ARB2A: variants seen among roughly 807,000 people sequenced by gnomAD.
ARB2A encodes the protein cotranscriptional regulator ARB2A.
At chr5:93,663,824 G>T in the ARB2A span, among the ~76,000 whole-genome samples, 1 of 152,160 alleles carries the variant, frequency 6.6e-6, no homozygotes, top group South Asian at 2.1e-4. Flanking sequence ...AATATCAGAA[G>T]TTACAATGAA....
At chr5:93,930,834 TTTTAC>T in the ARB2A span, among the ~76,000 whole-genome samples, 1 of 152,230 alleles carries the variant, frequency 6.6e-6, no homozygotes, top group Admixed American at 6.5e-5. Flanking sequence ...TTTATTTTTA[TTTTAC>T]TTTAAGTTCT....
At chr5:93,659,619 T>C in the ARB2A span, among the ~76,000 whole-genome samples, 1 of 152,094 alleles carries the variant, frequency 6.6e-6, no homozygotes, top group Non-Finnish European at 1.5e-5. Flanking sequence ...AGTTAACAGC[T>C]CTAAAGAGAG....
chr5:93,929,001 A>AATTTG, the ARB2A span, among the ~76,000 whole-genome samples: 3 of 152,110 alleles, frequency 2.0e-5, no homozygotes, highest in Non-Finnish European at 4.4e-5. Flanking sequence ...TACAAAAAAA[A>AATTTG]AAGTACTTTT....
At chr5:93,661,047 T>A in the ARB2A span, among the ~76,000 whole-genome samples, 1 of 152,136 alleles carries the variant, frequency 6.6e-6, no homozygotes, top group African/African-American at 2.4e-5. Context: ...ACTTAACAAA[T>A]GTTTGGACAC....
At chr5:93,733,784 C>T in the ARB2A span, 1 of 152,142 alleles carries the variant, frequency 6.6e-6, no homozygotes, top group African/African-American at 2.4e-5. Flanking sequence ...AAGGACATTT[C>T]CACTAGGTTT....
the ARB2A span, among the ~76,000 whole-genome samples, chr5:93,660,833 GAGAA>G: frequency 1.3e-5 from 2 of 152,114 alleles, no homozygotes; most frequent in African/African-American, 4.8e-5. Context: ...ACAGATAAGA[GAGAA>G]AGAACAAACC....
chr5:93,671,083 T>C, the ARB2A span, among the ~76,000 whole-genome samples: 1 of 152,192 alleles, frequency 6.6e-6, no homozygotes, highest in South Asian at 2.1e-4. Context: ...TTTTCCTCAT[T>C]AGTAAGGGAA....
the ARB2A span, among the ~76,000 whole-genome samples, chr5:93,976,645 C>T: frequency 1.1e-4 from 16 of 152,118 alleles, no homozygotes; most frequent in Non-Finnish European, 1.9e-4. Context: ...CTCTCTCCTG[C>T]TGGATGTGAA....
chr5:93,972,839 G>T, the ARB2A span, among the ~76,000 whole-genome samples: 1 of 151,864 alleles, frequency 6.6e-6, no homozygotes, highest in Non-Finnish European at 1.5e-5. Flanking sequence ...ACTTTGTAAG[G>T]TCAAAGCAGG....
chr5:94,067,814 CA>C, the ARB2A span, among the ~76,000 whole-genome samples: 1 of 151,866 alleles, frequency 6.6e-6, no homozygotes, highest in Non-Finnish European at 1.5e-5. Context: ...TAGAGAAAAA[CA>C]AAAAACACTA....
chr5:93,972,159 GA>G, the ARB2A span, among the ~76,000 whole-genome samples: 6 of 152,084 alleles, frequency 3.9e-5, no homozygotes, highest in Non-Finnish European at 8.8e-5. Context: ...CTGGCTGGGG[GA>G]GGGTGCTTTT....
the ARB2A span, among the ~76,000 whole-genome samples, chr5:94,044,461 T>C: frequency 6.6e-6 from 1 of 152,078 alleles, no homozygotes; most frequent in Admixed American, 6.5e-5. Flanking sequence ...GAGATCCTCA[T>C]AGTCAGGCAG....
At chr5:93,792,140 C>T in the ARB2A span, among the ~76,000 whole-genome samples, 3 of 152,074 alleles carry the variant, frequency 2.0e-5, no homozygotes, top group Non-Finnish European at 4.4e-5. Context: ...AAAGGGGTCA[C>T]TTGCATAATA....
the ARB2A span, among the ~76,000 whole-genome samples, chr5:93,703,157 C>G: frequency 1.3e-5 from 2 of 152,188 alleles, no homozygotes; most frequent in Admixed American, 6.5e-5. Context: ...TAAACACATA[C>G]ACAATATATT....
the ARB2A span, among the ~76,000 whole-genome samples, chr5:94,047,710 T>C: frequency 6.6e-6 from 1 of 152,002 alleles, no homozygotes; most frequent in Non-Finnish European, 1.5e-5. Context: ...CCTCCATATA[T>C]CCAAAGAATT....
chr5:94,063,222 T>A, the ARB2A span, among the ~76,000 whole-genome samples: 1 of 151,058 alleles, frequency 6.6e-6, no homozygotes, highest in Admixed American at 6.6e-5. Context: ...GAGCAAGCCA[T>A]CCAGGGGCCT....
At chr5:93,784,443 G>A in the ARB2A span, 1 of 1,613,468 alleles carries the variant, frequency 6.2e-7, no homozygotes, top group South Asian at 1.1e-5. Context: ...TGTGAACAGA[G>A]TCTGTCAATG....
chr5:93,838,806 A>G, the ARB2A span, among the ~76,000 whole-genome samples: 2 of 152,058 alleles, frequency 1.3e-5, no homozygotes, highest in African/African-American at 2.4e-5. Context: ...TTTTGTGGCA[A>G]TTGTGAATAG....
the ARB2A span, chr5:94,055,794 G>A: frequency 9.1e-6 from 9 of 985,192 alleles, no homozygotes; most frequent in East Asian, 3.4e-4. Flanking sequence ...CCTTGACTTC[G>A]CAGTCATCTA....
Sources: allele counts gnomAD v4.1 joint callset (sites outside exome capture counted in the v4.1 genomes callset), GRCh38; gene constraint gnomAD v4.1.1; transcripts MANE v1.5; gene names NCBI Gene and HGNC (gene_info 2026-07-23, HGNC 2026-07-21).